Variants in LOC400499 observed in about 807,000 individuals in gnomAD.
the LOC400499 span, among the ~76,000 whole-genome samples, chr16:11,473,833 G>A: frequency 6.6e-6 from 1 of 152,090 alleles, no homozygotes. Context: ...TAAAGGGCCA[G>A]ATTGTTTGTT....
the LOC400499 span, chr16:11,392,939 C>T: frequency 2.0e-4 from 73 of 369,754 alleles, no homozygotes; most frequent in Non-Finnish European, 2.7e-4. Context: ...CTGCAAGCTC[C>T]GCTTCCCGGG....
chr16:11,413,060 C>CCT, the LOC400499 span: 2 of 397,006 alleles, frequency 5.0e-6, no homozygotes, highest in Admixed American at 4.4e-5. Context: ...CGTCCCTGTC[C>CCT]CTAAGCCCAG....
At chr16:11,446,901 C>G in the LOC400499 span, 3 of 1,534,648 alleles carry the variant, frequency 2.0e-6, no homozygotes, top group South Asian at 2.4e-5. Context: ...TGGGCAGGTG[C>G]AACGGGTGCC....
chr16:11,454,634 C>T, the LOC400499 span, among the ~76,000 whole-genome samples: 1 of 152,240 alleles, frequency 6.6e-6, no homozygotes, highest in Non-Finnish European at 1.5e-5. Flanking sequence ...TTAGAGAGAA[C>T]ATGGCCCTGG....
the LOC400499 span, among the ~76,000 whole-genome samples, chr16:11,407,727 C>A: frequency 6.6e-6 from 1 of 152,166 alleles, no homozygotes; most frequent in Non-Finnish European, 1.5e-5. Flanking sequence ...AAGTGTGGAT[C>A]TACCACTGAG....
the LOC400499 span, chr16:11,460,697 C>T: frequency 9.7e-6 from 14 of 1,446,750 alleles, no homozygotes; most frequent in South Asian, 1.7e-4. Context: ...CCGGCCCAGC[C>T]TGGCCTCAGC....
chr16:11,409,343 A>G, the LOC400499 span, among the ~76,000 whole-genome samples: 4 of 152,134 alleles, frequency 2.6e-5, no homozygotes, highest in Admixed American at 6.6e-5. Context: ...AATATTCTAG[A>G]TCAGGAGTTG....
At chr16:11,395,111 G>A in the LOC400499 span, among the ~76,000 whole-genome samples, 1 of 152,190 alleles carries the variant, frequency 6.6e-6, no homozygotes, top group Non-Finnish European at 1.5e-5. Flanking sequence ...ACGGTCTGCA[G>A]ACCACACGGA....
At chr16:11,505,601 G>C in the LOC400499 span, among the ~76,000 whole-genome samples, 2 of 151,454 alleles carry the variant, frequency 1.3e-5, no homozygotes, top group African/African-American at 4.9e-5. Flanking sequence ...CCACAGGCAC[G>C]TACCACCATG....
chr16:11,479,900 T>TA, the LOC400499 span, among the ~76,000 whole-genome samples: 1 of 152,330 alleles, frequency 6.6e-6, no homozygotes, highest in Middle Eastern at 3.4e-3. Flanking sequence ...CTCTGGTTCA[T>TA]GGCAGTTTTT....
At chr16:11,518,940 C>G in the LOC400499 span, 1 of 398,928 alleles carries the variant, frequency 2.5e-6, no homozygotes, top group African/African-American at 2.1e-5. Flanking sequence ...ACCTTGGCCC[C>G]CAGGATGGAT....
At chr16:11,404,670 G>A in the LOC400499 span, 1 of 399,024 alleles carries the variant, frequency 2.5e-6, no homozygotes, top group East Asian at 3.6e-5. Context: ...TGAGTGACTG[G>A]GCCACCCCTG....
chr16:11,409,801 G>C, the LOC400499 span, among the ~76,000 whole-genome samples: 3 of 152,182 alleles, frequency 2.0e-5, no homozygotes, highest in African/African-American at 7.2e-5. Context: ...GTAAAAAGTT[G>C]ATGTCTTCAG....
the LOC400499 span, chr16:11,443,347 AAAAAAAAAAAAT>A: frequency 2.3e-3 from 901 of 392,832 alleles, 7 homozygotes; most frequent in Non-Finnish European, 3.4e-3. Flanking sequence ...AAAAAAAAAA[AAAAAAAAAAAAT>A]GATCGGAGGG....
chr16:11,455,085 T>C, the LOC400499 span, among the ~76,000 whole-genome samples: 1 of 152,146 alleles, frequency 6.6e-6, no homozygotes, highest in Non-Finnish European at 1.5e-5. Context: ...ACAAAAATTA[T>C]AGAAAACTAA....
At chr16:11,507,032 G>C in the LOC400499 span, among the ~76,000 whole-genome samples, 2 of 152,178 alleles carry the variant, frequency 1.3e-5, no homozygotes, top group African/African-American at 4.8e-5. Context: ...GCCGCACAGT[G>C]CCCTCTGGGG....
At chr16:11,440,677 T>C in the LOC400499 span, 1 of 398,810 alleles carries the variant, frequency 2.5e-6, no homozygotes, top group Non-Finnish European at 4.4e-6. Flanking sequence ...TAAAGGTTAT[T>C]AAGACCCGGC....
the LOC400499 span, among the ~76,000 whole-genome samples, chr16:11,489,301 C>T: frequency 3.9e-5 from 6 of 152,206 alleles, no homozygotes; most frequent in Non-Finnish European, 8.8e-5. Context: ...ATGGTCACTC[C>T]AGCTCTTGGA....
chr16:11,517,199 G>A, the LOC400499 span, among the ~76,000 whole-genome samples: 21 of 152,038 alleles, frequency 1.4e-4, no homozygotes, highest in African/African-American at 4.8e-4. Context: ...TCTTCCAAGG[G>A]TCCCTTCCTC....
Sources: gnomAD v4.1 joint callset for allele counts (sites outside exome capture counted in the v4.1 genomes callset) on GRCh38, gnomAD v4.1.1 for gene constraint, MANE v1.5 for transcripts.